The following UQCRC2 variants were observed in gnomAD, a reference collection of about 807,000 sequenced individuals.
UQCRC2 encodes the protein ubiquinol-cytochrome c reductase core protein 2, also known as cytochrome b-c1 complex subunit 2, mitochondrial.
In UQCRC2, 49 loss-of-function variants were observed where a neutral mutation model predicts 55.6. The observed-to-expected ratio is 0.88, with a 90% CI of 0.70 to 1.12. The LOEUF is 1.12. Among genes scored for constraint, UQCRC2 ranks in the 50% most tolerant of loss-of-function variants. The pLI, the probability that UQCRC2 is intolerant of heterozygous loss-of-function variation, is 0.00. For missense variants in UQCRC2, 506 were observed against 547.8 expected, an observed-to-expected ratio of 0.92 and a Z score of 0.76; for synonymous variants, 193 against 192.0, an observed-to-expected ratio of 1.01 and a Z score of -0.04.
chr16:21,962,684 G>C, intron 5 of UQCRC2, 77 bp from the exon 6 acceptor site: 1 of 1,603,260 alleles, frequency 6.2e-7, no homozygotes, highest in Non-Finnish European at 8.5e-7. Flanking sequence ...CACATTGAGA[G>C]CATTACAGCT....
chr16:21,955,285 A>T (rs1028420543), intron 1 of UQCRC2, among the ~76,000 whole-genome samples: 3 of 152,214 alleles, frequency 2.0e-5, no homozygotes, highest in African/African-American at 7.2e-5. Flanking sequence ...AGTAAAGCTA[A>T]TTGTAATTCA....
At chr16:21,980,728 A>G in intron 13 of UQCRC2, 28 bp downstream of exon 13, 2 of 1,611,256 alleles carry the variant, frequency 1.2e-6, no homozygotes, top group Non-Finnish European at 1.7e-6. Context: ...TAACGATTTA[A>G]CAACAGAGAA....
chr16:21,965,397 T>C lies in UQCRC2; in HGVS notation c.515-11T>C. ...TGCATTTCCCTAAATGCTTCTTCAC[T>C]TATCTCACAGATGTCATTGAAAATT... On this transcript the variant is annotated splice_polypyrimidine_tract_variant and intron_variant, in intron 6 of 13. Coordinates refer to ENST00000268379, the MANE Select transcript of UQCRC2 (RefSeq NM_003366.4). 1 of 1,613,210 alleles carries C rather than the reference T, an allele frequency of 6.2e-7. No individual in the cohort carries two copies. The highest frequency in any genetic ancestry group is 8.5e-7 in the Non-Finnish European group (1 of 1,179,346).
rs747845175 is a variant in UQCRC2 at position 21,971,959 on chromosome 16, A to G, written c.803A>G (p.His268Arg). ...IREQNGDSLV[H>R]AAFVAESAVA... ...GAACAGAATGGAGACAGTCTTGTCC[A>G]TGCTGCTTTTGTAGCAGAAAGTGCT... Residue 268 changes from histidine (H) to arginine (R), a missense_variant, in exon 10 of 14, where the codon CAT (histidine) becomes CGT (arginine). His to Arg is a conservative substitution (Grantham distance 29). Coordinates refer to ENST00000268379, the MANE Select transcript of UQCRC2 (RefSeq NM_003366.4). The G allele has an allele frequency of 8.1e-6, 13 of 1,614,186 alleles. No individual in the cohort carries two copies. Among genetic ancestry groups the G allele is most frequent in the South Asian group, 1.1e-5 (1 of 91,082 alleles).
chr16:21,968,601 C>G (rs1898383858), intron 7 of UQCRC2, 27 bp from the exon 8 acceptor site: 1 of 1,578,294 alleles, frequency 6.3e-7, no homozygotes, highest in Non-Finnish European at 8.6e-7. Flanking sequence ...GCTAATATAA[C>G]CTAATAAGTG....
intron 7 of UQCRC2, among the ~76,000 whole-genome samples, chr16:21,967,492 G>A (rs570908163): frequency 7.9e-5 from 12 of 151,924 alleles, no homozygotes; most frequent in South Asian, 4.2e-4. Context: ...GGAAAGGATA[G>A]CATTTCTGTT....
Position 21,953,380 on chromosome 16 carries a change from T to C in UQCRC2, c.-44T>C, listed in dbSNP as rs1482405769. ...CCCGGCCTCCGCCACCATCTTGCTTTCCTTTAATCCGGCAGTGACCGTGTG... is the reference window on the plus strand; with the variant it reads ...CCCGGCCTCCGCCACCATCTTGCTTCCCTTTAATCCGGCAGTGACCGTGTG... On this transcript the variant is annotated 5_prime_UTR_variant, in exon 1 of 14. Coordinates refer to ENST00000268379, the MANE Select transcript of UQCRC2 (RefSeq NM_003366.4). 6.2e-7 allele frequency: 1 copy of C among 1,608,372 alleles called. No homozygotes were observed. Among genetic ancestry groups the C allele is most frequent in the Admixed American group, 1.7e-5 (1 of 59,226 alleles).
At chr16:21,971,863 A>C in intron 9 of UQCRC2, 60 bp from the exon 10 acceptor site, 1 of 1,604,072 alleles carries the variant, frequency 6.2e-7, no homozygotes, top group Non-Finnish European at 8.5e-7. Flanking sequence ...AATACTGGAG[A>C]ATGAAACCAA....
chr16:21,967,843 AACTC>A (rs1898363184), intron 7 of UQCRC2, among the ~76,000 whole-genome samples: 1 of 152,166 alleles, frequency 6.6e-6, no homozygotes, highest in Non-Finnish European at 1.5e-5. Context: ...GTTGTGGTAA[AACTC>A]TGTTAGCCCT....
intron 11 of UQCRC2, among the ~76,000 whole-genome samples, chr16:21,975,934 T>C (rs1056749221): frequency 1.3e-5 from 2 of 152,184 alleles, no homozygotes; most frequent in Non-Finnish European, 2.9e-5. Context: ...AGCATGCACC[T>C]GTAGTCCCAG....
chr16:21,957,681 A>G, intron 3 of UQCRC2, 115 bp downstream of exon 3: 2 of 1,422,532 alleles, frequency 1.4e-6, no homozygotes, highest in Non-Finnish European at 1.9e-6. Flanking sequence ...GCCATAACAA[A>G]TTACCACGGA....
chr16:21,971,699 C>A, intron 9 of UQCRC2, 79 bp downstream of exon 9: 1 of 1,449,476 alleles, frequency 6.9e-7, no homozygotes, highest in Non-Finnish European at 9.6e-7. Flanking sequence ...GTGGAATAGG[C>A]CTGAATATTT....
intron 11 of UQCRC2, 40 bp from the exon 12 acceptor site, chr16:21,976,127 G>C: frequency 6.8e-7 from 1 of 1,460,640 alleles, no homozygotes; most frequent in Non-Finnish European, 9.6e-7. Flanking sequence ...GGAGACTCTG[G>C]TACTGACCAC....
chr16:21,964,228 A>G (rs1241216248), intron 6 of UQCRC2, among the ~76,000 whole-genome samples: 1 of 152,130 alleles, frequency 6.6e-6, no homozygotes, highest in African/African-American at 2.4e-5. Context: ...GAATAGTACA[A>G]TTTTAGAAAA....
intron 4 of UQCRC2, chr16:21,959,693 C>G (rs756541910): frequency 2.0e-5 from 3 of 152,274 alleles, no homozygotes; most frequent in Admixed American, 6.5e-5. Context: ...CCAGATCCAT[C>G]AGCGTCTTCA....
At chr16:21,960,109 C>T (rs557043784) in intron 4 of UQCRC2, among the ~76,000 whole-genome samples, 23 of 152,268 alleles carry the variant, frequency 1.5e-4, no homozygotes, top group Non-Finnish European at 3.2e-4. Context: ...GAAGCTTTGA[C>T]GCCAGGCATT....
intron 9 of UQCRC2, 37 bp downstream of exon 9, chr16:21,971,657 A>C: frequency 6.3e-7 from 1 of 1,596,958 alleles, no homozygotes; most frequent in East Asian, 2.2e-5. Flanking sequence ...ATTTATCAGA[A>C]GGGCGTTTCC....
intron 6 of UQCRC2, 67 bp downstream of exon 6, chr16:21,962,952 A>C: frequency 2.0e-6 from 3 of 1,524,084 alleles, no homozygotes; most frequent in Non-Finnish European, 2.6e-6. Context: ...AATTTATAGA[A>C]GAAAAAAAAT....
intron 4 of UQCRC2, among the ~76,000 whole-genome samples, chr16:21,961,172 A>C (rs1000023294): frequency 3.9e-5 from 6 of 152,114 alleles, no homozygotes. Flanking sequence ...GATGATAGAG[A>C]ATGTCTCATT....
Sources: allele counts gnomAD v4.1 joint callset (sites outside exome capture counted in the v4.1 genomes callset), GRCh38; gene constraint gnomAD v4.1.1; transcripts MANE v1.5; gene names NCBI Gene and HGNC (gene_info 2026-07-23, HGNC 2026-07-21).